The following MORC2 variants were observed in gnomAD, a reference collection of about 807,000 sequenced individuals.
The protein encoded by MORC2 is MORC family CW-type zinc finger 2.
In MORC2, 30 loss-of-function variants were observed where a neutral mutation model predicts 136.0. The observed-to-expected ratio is 0.22, with a 90% CI of 0.17 to 0.30. The LOEUF is 0.30. MORC2 is among the 10% of genes least tolerant of loss of function. The pLI, the probability that MORC2 is intolerant of heterozygous loss-of-function variation, is 1.00. For synonymous variants in MORC2, 439 were observed against 487.0 expected, an observed-to-expected ratio of 0.90 and a Z score of 1.30; for missense variants, 922 against 1,333.1, an observed-to-expected ratio of 0.69 and a Z score of 4.80.
chr22:30,926,688 T>C lies in MORC2; in HGVS notation c.*115A>G. ...GTATCTTTTCCTCCAAAAACACAAATGTCCCGTGTAAGTCAAACCAAGGTG... is the reference window on the plus strand; with the variant it reads ...GTATCTTTTCCTCCAAAAACACAAACGTCCCGTGTAAGTCAAACCAAGGTG... On this transcript the variant is annotated 3_prime_UTR_variant, in exon 26 of 26. Coordinates refer to ENST00000397641, the MANE Select transcript of MORC2 (RefSeq NM_001303256.3). 1.7e-6 allele frequency: 1 copy of C among 574,532 alleles called. No individual in the cohort carries two copies. The highest frequency in any genetic ancestry group is 3.0e-6 in the Non-Finnish European group (1 of 337,596). The allele number at this position is 574,532 out of a possible 1,614,324, so 35.6% of individuals were successfully genotyped here.
At chr22:30,960,156 G>A (rs2041022535) in intron 1 of MORC2, among the ~76,000 whole-genome samples, 2 of 152,064 alleles carry the variant, frequency 1.3e-5, no homozygotes, top group Non-Finnish European at 2.9e-5. Flanking sequence ...TAGTAGAGAG[G>A]AGGTTTCACC....
At chr22:30,950,353 C>CAACA in intron 4 of MORC2, 24 bp downstream of exon 4, 1 of 1,481,958 alleles carries the variant, frequency 6.7e-7, no homozygotes, top group Non-Finnish European at 9.4e-7. Context: ...CCCCACCCCC[C>CAACA]AAAACAATAA....
rs2040478259 is a variant in MORC2 at position 30,926,122 on chromosome 22, A to G, written c.*681T>C. 6.6e-6 allele frequency: 1 copy of G among 152,278 alleles called. No individual in the cohort carries two copies. The highest frequency in any genetic ancestry group is 1.5e-5 in the Non-Finnish European group (1 of 68,090). The allele number at this position is 152,278 out of a possible 1,614,324, so 9.4% of individuals were successfully genotyped here. On this transcript the variant is annotated 3_prime_UTR_variant, in exon 26 of 26. Transcript: ENST00000397641. ...CTCCCCCTCAACCTGGACTCAAGTT[A>G]CTGTGGTGAGAAACCTCACTGTCCA...
In MORC2 at chr22:30,932,831, G is replaced by C. The variant is rs2040595443; in HGVS notation, c.2522+58C>G. Reference sequence around the variant, plus strand: ...GGGCTCCCAGGATGGGCTGCTGGCAGGGAGGCCGGGGATACCTCCTTCGAG... The same window carrying C: ...GGGCTCCCAGGATGGGCTGCTGGCACGGAGGCCGGGGATACCTCCTTCGAG... On this transcript the variant is annotated intron_variant, in intron 22 of 25. Coordinates refer to ENST00000397641, the MANE Select transcript of MORC2 (RefSeq NM_001303256.3). This position sits in a 1 kb window ranked among gnomAD's most constrained non-coding sequence, Gnocchi z 4.4. 2 of 1,613,014 alleles carry C rather than the reference G, an allele frequency of 1.2e-6. No homozygotes were observed. Among genetic ancestry groups the C allele is most frequent in the African/African-American group, 2.7e-5 (2 of 74,922 alleles).
intron 2 of MORC2, 73 bp from the exon 3 acceptor site, chr22:30,956,870 G>A: frequency 1.7e-6 from 2 of 1,192,742 alleles, no homozygotes; most frequent in Admixed American, 2.1e-5. Context: ...AGTGATTTGA[G>A]TAGAATGCAG....
At chr22:30,949,142 C>A (rs1201047778) in intron 5 of MORC2, among the ~76,000 whole-genome samples, 1 of 152,206 alleles carries the variant, frequency 6.6e-6, no homozygotes, top group Non-Finnish European at 1.5e-5. Context: ...GAAATAGAAA[C>A]CTTTCTCTTG....
At chr22:30,947,642 T>C (rs1175737107) in intron 5 of MORC2, among the ~76,000 whole-genome samples, 1 of 152,118 alleles carries the variant, frequency 6.6e-6, no homozygotes, top group East Asian at 1.9e-4. Flanking sequence ...GTCCTCGTTC[T>C]CCTCCTCCAG....
chr22:30,942,124 G>A lies in MORC2; in HGVS notation c.574C>T (p.Pro192Ser), dbSNP rs1246495857. ...EEVMTQFMKIPGDSGTLVIIF... is the reference protein window; with the variant it reads ...EEVMTQFMKISGDSGTLVIIF... ...AAAGCCTACTTACCGCTGTCCCCAG[G>A]AATCTTCATAAACTGGGTCATCACT... is the stretch of plus-strand genomic sequence containing the variant. Residue 192 changes from proline to serine, a missense_variant, in exon 7 of 26, where the codon CCT (proline) becomes TCT (serine). Pro to Ser is a moderately conservative substitution (Grantham distance 74). Transcript: ENST00000397641. 1.2e-6 allele frequency: 2 copies of A among 1,613,778 alleles called. No individual in the cohort carries two copies. The highest frequency in any genetic ancestry group is 1.1e-5 in the South Asian group (1 of 91,074).
At chr22:30,931,762 G>T (rs2040579026) in intron 24 of MORC2, among the ~76,000 whole-genome samples, 2 of 152,206 alleles carry the variant, frequency 1.3e-5, no homozygotes, top group South Asian at 4.1e-4. Context: ...AGCACTCGCT[G>T]CTCCTGCCCC....
Position 30,933,578 on chromosome 22 carries a change from G to A in MORC2, c.2326-58C>T, listed in dbSNP as rs1474135475. 2.2e-5 allele frequency: 34 copies of A among 1,551,862 alleles called. 2 individuals are homozygous for A. The South Asian group carries it at 3.6e-4, about 16-fold the overall frequency. On this transcript the variant is annotated intron_variant, in intron 20 of 25. Coordinates refer to ENST00000397641, the MANE Select transcript of MORC2 (RefSeq NM_001303256.3). Reference sequence around the variant, plus strand: ...CAGTGCCCCCCAAGAGCAGACTTGTGCCTTACTGGCCACCCGGGGTCATCA... The same window carrying A: ...CAGTGCCCCCCAAGAGCAGACTTGTACCTTACTGGCCACCCGGGGTCATCA...
intron 5 of MORC2, among the ~76,000 whole-genome samples, chr22:30,947,160 CCACCTCAAGCTCATTATGA>C (rs1286734648): frequency 1.3e-5 from 2 of 152,222 alleles, no homozygotes; most frequent in African/African-American, 4.8e-5. Context: ...AAGTGTTTTG[CCACCTCAAGCTCATTATGA>C]CACAGGCAGC....
chr22:30,946,195 A>G (rs2040812690), intron 6 of MORC2, 146 bp downstream of exon 6: 1 of 558,486 alleles, frequency 1.8e-6, no homozygotes, highest in East Asian at 3.1e-5. Flanking sequence ...CAATTCATCC[A>G]GCCAGCTAAC....
Position 30,937,513 on chromosome 22 carries a change from C to G in MORC2, c.1498+70G>C. On this transcript the variant is annotated intron_variant, in intron 15 of 25. Transcript: ENST00000397641. The surrounding 1 kb of genome is among the most constrained non-coding windows in gnomAD (Gnocchi z 4.7). Reference sequence around the variant, plus strand: ...AATGTCAGTCAAGTTAGGAGGCTGGCAGGAAGATAGAGAAAAGAGGCTTGT... The same window carrying G: ...AATGTCAGTCAAGTTAGGAGGCTGGGAGGAAGATAGAGAAAAGAGGCTTGT... The G allele has an allele frequency of 6.4e-7, 1 of 1,572,938 alleles. No homozygotes were observed.
chr22:30,963,678 C>T (rs749077010), intron 1 of MORC2, among the ~76,000 whole-genome samples: 3 of 152,104 alleles, frequency 2.0e-5, no homozygotes, highest in Non-Finnish European at 2.9e-5. Flanking sequence ...GAGCCAACCG[C>T]GCCTGGCTGA....
Position 30,926,728 on chromosome 22 carries a change from T to C in MORC2, c.*75A>G. On this transcript the variant is annotated 3_prime_UTR_variant, in exon 26 of 26. Transcript: ENST00000397641. ...AAACCAAGGTGCGACCACCAACCCA[T>C]GAATGAAGTCCCCTCCCCCTGCAGC... 7.8e-7 allele frequency: 1 copy of C among 1,275,712 alleles called. No homozygotes were observed. Among genetic ancestry groups the C allele is most frequent in the Non-Finnish European group, 1.1e-6 (1 of 894,172 alleles). 79.0% of individuals were successfully genotyped at this position (1,275,712 alleles called of 1,614,324 possible).
At chr22:30,960,794 A>C (rs2041032990) in intron 1 of MORC2, among the ~76,000 whole-genome samples, 1 of 142,528 alleles carries the variant, frequency 7.0e-6, no homozygotes, top group Non-Finnish European at 1.5e-5. Flanking sequence ...CCCGGCTGGA[A>C]AAGACAGATT....
At chr22:30,938,586 T>C (rs539193885) in intron 12 of MORC2, among the ~76,000 whole-genome samples, 13 of 152,356 alleles carry the variant, frequency 8.5e-5, no homozygotes, top group African/African-American at 2.9e-4. Context: ...TAATTTTTTT[T>C]TGAGACATAG....
chr22:30,928,139 G>A lies in MORC2; in HGVS notation c.2910C>T (p.Asp970=), dbSNP rs752734725. ...TTTCCTCGGAGGCCTTGGCCCGGGAGTCAGCACGGCTCTGGTAGGAATTGC... is the reference window on the plus strand; with the variant it reads ...TTTCCTCGGAGGCCTTGGCCCGGGAATCAGCACGGCTCTGGTAGGAATTGC... ...NLCNSYQSRA[D]SRAKASEESL... is the part of the protein sequence containing the mutation. The change falls in exon 25 of 26, where the codon GAC becomes GAT. Residue 970 remains aspartate, a synonymous_variant. Coordinates refer to ENST00000397641, the MANE Select transcript of MORC2 (RefSeq NM_001303256.3). 1 of 1,614,100 alleles carries A rather than the reference G, an allele frequency of 6.2e-7. No individual in the cohort carries two copies. The highest frequency in any genetic ancestry group is 1.1e-5 in the South Asian group (1 of 91,070).
intron 1 of MORC2, among the ~76,000 whole-genome samples, chr22:30,964,242 A>T (rs775769170): frequency 6.6e-6 from 1 of 152,202 alleles, no homozygotes; most frequent in Admixed American, 6.5e-5. Context: ...CTGTAGTCCC[A>T]GCTACTTGGA....
Sources: gnomAD v4.1 joint callset for allele counts (sites outside exome capture counted in the v4.1 genomes callset) on GRCh38, gnomAD v4.1.1 for gene constraint, Gnocchi (gnomAD v3.1) non-coding constraint, MANE v1.5 for transcripts, NCBI Gene and HGNC (gene_info 2026-07-23, HGNC 2026-07-21) for gene names.